The following FANCA variants were observed in gnomAD, a reference collection of about 807,000 sequenced individuals.
FANCA encodes FA complementation group A, also known as Fanconi anemia group A protein.
Under a neutral mutation model 194.3 loss-of-function variants are expected in FANCA, and 236 were observed. That is an observed-to-expected ratio of 1.21 (90% CI 1.09 to 1.35). The LOEUF (loss-of-function observed/expected upper bound fraction) is 1.35. Ranked by LOEUF, FANCA falls within the 40% of genes most tolerant of loss-of-function variation. The pLI is 0.00. For synonymous variants in FANCA, 1,014 were observed against 715.8 expected (o/e 1.42, Z -6.65); for missense variants, 2,628 against 1,813.9 (o/e 1.45, Z -8.15).
intron 32 of FANCA, among the ~76,000 whole-genome samples, 156 bp downstream of exon 32, chr16:89,749,574 C>T (rs1055382507): frequency 3.3e-5 from 5 of 152,176 alleles, no homozygotes; most frequent in Admixed American, 6.6e-5. Flanking sequence ...TCCTCTTCTC[C>T]GTGGCATGTG....
intron 18 of FANCA, 147 bp from the exon 19 acceptor site, chr16:89,779,150 G>A (rs1233686356): frequency 5.0e-6 from 4 of 801,876 alleles, no homozygotes; most frequent in Non-Finnish European, 8.4e-6. Flanking sequence ...CACAGTTCCG[G>A]GACAAGGCAT....
In FANCA at chr16:89,761,934, CTT is replaced by C; in HGVS notation, c.2852+13_2852+14del. On this transcript the variant is annotated intron_variant, in intron 29 of 42. Transcript: ENST00000389301. ...GCCATCATGCCTGGCCAGGGTAGCT[CTT>C]TTCAACACTTACCGTTCAGTATCTG... 6.2e-7 allele frequency: 1 copy of C among 1,611,430 alleles called. No individual in the cohort carries two copies. The highest frequency in any genetic ancestry group is 2.2e-5 in the East Asian group (1 of 44,864).
At position 89,742,790 on chromosome 16, in the gene FANCA, C is replaced by G; in HGVS notation, c.3765+10G>C. 1 of 1,611,048 alleles carries G rather than the reference C, an allele frequency of 6.2e-7. No homozygotes were observed. The highest frequency in any genetic ancestry group is 1.1e-5 in the South Asian group (1 of 90,990). ...AGAAAATAAATCAGTAAAAGAATTT[C>G]CTATCTTGCCTCCTCTCTCTCGCAG... is the stretch of plus-strand genomic sequence containing the variant. On this transcript the variant is annotated intron_variant, in intron 37 of 42. Coordinates refer to ENST00000389301, the MANE Select transcript of FANCA (RefSeq NM_000135.4).
intron 15 of FANCA, 70 bp from the exon 16 acceptor site, chr16:89,783,172 T>G: frequency 8.6e-7 from 1 of 1,162,982 alleles, no homozygotes; most frequent in Non-Finnish European, 1.3e-6. Context: ...AGGCCACAAT[T>G]CACTTCCAAC....
Position 89,740,413 on chromosome 16 carries a change from G to A in FANCA, c.3829-314C>T, listed in dbSNP as rs1046389601. The stretch of plus-strand genomic sequence containing the variant: ...CCAACACTTTGGGAGGCCGAGGTCG[G>A]CGGATCACTGAGGCCAGTTCAAGAC... On this transcript the variant is annotated intron_variant, in intron 38 of 42. Transcript: ENST00000389301. 42 of 469,750 alleles carry A rather than the reference G, an allele frequency of 8.9e-5. 1 individual carries two copies. In the East Asian group the frequency reaches 1.5e-3, roughly 17 times the overall value. 29.1% of individuals were successfully genotyped at this position (469,750 alleles called of 1,614,324 possible).
At chr16:89,814,008 T>C (rs903409106) in intron 3 of FANCA, among the ~76,000 whole-genome samples, 13 of 152,208 alleles carry the variant, frequency 8.5e-5, no homozygotes, top group African/African-American at 3.1e-4. Context: ...CATTTGCCAA[T>C]GACATTCAGT....
chr16:89,786,206 C>G (rs2039892969), intron 14 of FANCA, among the ~76,000 whole-genome samples: 1 of 150,648 alleles, frequency 6.6e-6, no homozygotes, highest in African/African-American at 2.4e-5. Context: ...TTTTCTGAGA[C>G]AAAGCCTCAC....
chr16:89,779,215 T>A (rs1336725792), intron 18 of FANCA, among the ~76,000 whole-genome samples: 1 of 152,094 alleles, frequency 6.6e-6, no homozygotes, highest in African/African-American at 2.4e-5. Context: ...CAGGACCACA[T>A]TCGGCCTGCT....
intron 17 of FANCA, among the ~76,000 whole-genome samples, chr16:89,780,596 C>T (rs2039666143): frequency 6.7e-6 from 1 of 150,108 alleles, no homozygotes; most frequent in Non-Finnish European, 1.5e-5. Flanking sequence ...CCTACTGCAG[C>T]CTGGGCAACA....
intron 28 of FANCA, among the ~76,000 whole-genome samples, chr16:89,763,013 C>T (rs932954711): frequency 2.6e-5 from 4 of 151,032 alleles, no homozygotes; most frequent in Middle Eastern, 3.5e-3. Context: ...TTTGGGAGGC[C>T]GAGGCGGGAG....
chr16:89,738,761 A>G (rs1334273885), intron 42 of FANCA, 53 bp from the exon 43 acceptor site: 2 of 1,612,566 alleles, frequency 1.2e-6, no homozygotes, highest in Admixed American at 1.7e-5. Flanking sequence ...GCCTCAGACC[A>G]CAGGGGAGGG....
intron 37 of FANCA, 99 bp from the exon 38 acceptor site, chr16:89,740,965 T>C: frequency 9.2e-7 from 1 of 1,089,664 alleles, no homozygotes; most frequent in Middle Eastern, 2.0e-4. Context: ...ATTTTTTACA[T>C]CTAGGCCATA....
At chr16:89,803,424 G>A in intron 7 of FANCA, 83 bp from the exon 8 acceptor site, 1 of 1,293,172 alleles carries the variant, frequency 7.7e-7, no homozygotes, top group Non-Finnish European at 1.1e-6. Context: ...CCACTTCAGA[G>A]GGGCGGGTGA....
chr16:89,807,019 A>G (rs769610066), intron 6 of FANCA, among the ~76,000 whole-genome samples: 2 of 152,100 alleles, frequency 1.3e-5, no homozygotes, highest in East Asian at 1.9e-4. Flanking sequence ...CGGCTGTTCT[A>G]TATCATTCTT....
At chr16:89,781,226 T>C (rs2039688897) in intron 17 of FANCA, among the ~76,000 whole-genome samples, 1 of 145,836 alleles carries the variant, frequency 6.9e-6, no homozygotes, top group African/African-American at 2.6e-5. Flanking sequence ...TAGCCTGACG[T>C]GGTGGCGGGT....
chr16:89,748,820 T>G, intron 32 of FANCA, 53 bp from the exon 33 acceptor site: 1 of 1,453,220 alleles, frequency 6.9e-7, no homozygotes, highest in Non-Finnish European at 9.6e-7. Context: ...ACTCTGCTCC[T>G]TCCCAAGGGC....
chr16:89,804,806 G>A (rs1013883448), intron 7 of FANCA, among the ~76,000 whole-genome samples: 1 of 152,072 alleles, frequency 6.6e-6, no homozygotes, highest in Non-Finnish European at 1.5e-5. Context: ...GGCCGAGGGG[G>A]GTGCATCACG....
At chr16:89,774,729 C>CAAAAAAAAAAAA (rs780078944) in intron 21 of FANCA, among the ~76,000 whole-genome samples, 1,638 of 22,184 alleles carry the variant, frequency 0.074, 498 homozygotes, top group Middle Eastern at 0.2. Flanking sequence ...GACTCTGTCT[C>CAAAAAAAAAAAA]AAAAAAAAAA....
Position 89,784,880 on chromosome 16 carries a change from G to C in FANCA, c.1444C>G (p.Pro482Ala). Residue 482 changes from proline to alanine, a missense_variant, in exon 15 of 43, where the codon CCT becomes GCT. Coordinates refer to ENST00000389301, the MANE Select transcript of FANCA (RefSeq NM_000135.4). ...TGCAGGTACCGGGGAGACTCAAAAG[G>C]CACGAGTTCTGACAAGAACGTAAAC... is the stretch of plus-strand genomic sequence containing the variant. ...FLFTFLSELV[P>A]FESPRYLQVH... 1.2e-6 allele frequency: 2 copies of C among 1,614,052 alleles called. No individual in the cohort carries two copies. Among genetic ancestry groups the C allele is most frequent in the South Asian group, 1.1e-5 (1 of 91,084 alleles).
Sources: allele counts gnomAD v4.1 joint callset (sites outside exome capture counted in the v4.1 genomes callset), GRCh38; gene constraint gnomAD v4.1.1; transcripts MANE v1.5; gene names NCBI Gene and HGNC (gene_info 2026-07-23, HGNC 2026-07-21).